The following BLTP1 variants were observed in gnomAD, a reference collection of about 807,000 sequenced individuals.
BLTP1 encodes the protein bridge-like lipid transfer protein family member 1.
the BLTP1 span, chr4:122,355,741 G>A: frequency 1.3e-6 from 2 of 1,513,986 alleles, no homozygotes; most frequent in African/African-American, 2.8e-5. Flanking sequence ...AGCTATATAG[G>A]CTTGTCAATG....
At chr4:122,254,300 T>G in the BLTP1 span, 1 of 1,613,572 alleles carries the variant, frequency 6.2e-7, no homozygotes, top group Non-Finnish European at 8.5e-7. Context: ...TTGGTTTAGT[T>G]TTGCAGCTCC....
the BLTP1 span, chr4:122,174,562 T>A: frequency 5.6e-6 from 9 of 1,605,934 alleles, no homozygotes; most frequent in East Asian, 2.0e-4. Context: ...TGTTTTTTCC[T>A]TCCTATAACA....
the BLTP1 span, chr4:122,183,085 C>T: frequency 4.3e-6 from 4 of 922,802 alleles, no homozygotes; most frequent in South Asian, 5.0e-5. Flanking sequence ...CTGGTAATCC[C>T]AGCACTTTGG....
At chr4:122,254,426 A>T in the BLTP1 span, 1 of 1,355,936 alleles carries the variant, frequency 7.4e-7, no homozygotes, top group Non-Finnish European at 1.0e-6. Context: ...TCATATTTTT[A>T]AAAATTACTT....
At chr4:122,160,642 T>C in the BLTP1 span, among the ~76,000 whole-genome samples, 1 of 152,240 alleles carries the variant, frequency 6.6e-6, no homozygotes, top group African/African-American at 2.4e-5. Flanking sequence ...TTTGTCACTT[T>C]ACAAACAGTT....
chr4:122,291,796 G>A, the BLTP1 span: 213 of 972,330 alleles, frequency 2.2e-4, no homozygotes, highest in Middle Eastern at 5.2e-4. Flanking sequence ...ATATAATAGC[G>A]TCTCTTATGG....
At chr4:122,219,371 T>G in the BLTP1 span, 1 of 1,613,882 alleles carries the variant, frequency 6.2e-7, no homozygotes. Flanking sequence ...GACATGTATA[T>G]GGATTTTGAA....
At chr4:122,158,664 G>A in the BLTP1 span, among the ~76,000 whole-genome samples, 3 of 152,128 alleles carry the variant, frequency 2.0e-5, no homozygotes, top group Non-Finnish European at 2.9e-5. Context: ...TCAGCTACTC[G>A]GAAGGCTGAG....
At chr4:122,188,434 A>G in the BLTP1 span, 2 of 163,594 alleles carry the variant, frequency 1.2e-5, no homozygotes, top group East Asian at 1.9e-4. Flanking sequence ...AGATGTGACT[A>G]AAGAGTAAAT....
the BLTP1 span, chr4:122,307,890 C>T: frequency 1.3e-6 from 2 of 1,564,462 alleles, no homozygotes; most frequent in Non-Finnish European, 1.7e-6. Flanking sequence ...TTTTACTTAA[C>T]ATATAGATTT....
the BLTP1 span, among the ~76,000 whole-genome samples, chr4:122,259,348 A>G: frequency 6.6e-6 from 1 of 152,180 alleles, no homozygotes; most frequent in Non-Finnish European, 1.5e-5. Flanking sequence ...ACAGGCTTTA[A>G]CTGTACGTCA....
the BLTP1 span, chr4:122,334,206 C>G: frequency 2.4e-6 from 2 of 816,924 alleles, no homozygotes; most frequent in Non-Finnish European, 3.8e-6. Context: ...AAGAAACTTG[C>G]CAGGATCACA....
the BLTP1 span, among the ~76,000 whole-genome samples, chr4:122,287,002 T>G: frequency 6.6e-5 from 10 of 152,206 alleles, no homozygotes; most frequent in Non-Finnish European, 1.5e-4. Context: ...TTACACATGC[T>G]TTTAAAAATA....
At chr4:122,252,893 C>T in the BLTP1 span, among the ~76,000 whole-genome samples, 1 of 152,206 alleles carries the variant, frequency 6.6e-6, no homozygotes, top group Non-Finnish European at 1.5e-5. Context: ...CACAGTTCCA[C>T]TGGTGGTAGC....
At chr4:122,171,546 A>G in the BLTP1 span, among the ~76,000 whole-genome samples, 1 of 151,928 alleles carries the variant, frequency 6.6e-6, no homozygotes, top group African/African-American at 2.4e-5. Flanking sequence ...TGCTCAGAGT[A>G]GCTTTATGAA....
chr4:122,360,623 T>C, the BLTP1 span, among the ~76,000 whole-genome samples: 1 of 152,180 alleles, frequency 6.6e-6, no homozygotes, highest in Non-Finnish European at 1.5e-5. Context: ...AGGACTCTTG[T>C]ATAGGCAGAA....
At chr4:122,361,147 A>T in the BLTP1 span, among the ~76,000 whole-genome samples, 2 of 152,178 alleles carry the variant, frequency 1.3e-5, no homozygotes, top group Non-Finnish European at 2.9e-5. Context: ...GTTTGAGGAG[A>T]TCAATGCCTA....
At chr4:122,187,230 TATG>T in the BLTP1 span, 3 of 977,112 alleles carry the variant, frequency 3.1e-6, no homozygotes, top group Non-Finnish European at 2.4e-6. Flanking sequence ...TAAAAGTTGA[TATG>T]ATAAGAGTGC....
the BLTP1 span, among the ~76,000 whole-genome samples, chr4:122,191,261 A>G: frequency 6.6e-6 from 1 of 151,954 alleles, no homozygotes; most frequent in South Asian, 2.1e-4. Context: ...TGCAAGCTGC[A>G]CTAATTGCAT....
Sources: allele counts gnomAD v4.1 joint callset (sites outside exome capture counted in the v4.1 genomes callset), GRCh38; gene constraint gnomAD v4.1.1; transcripts MANE v1.5; gene names NCBI Gene and HGNC (gene_info 2026-07-23, HGNC 2026-07-21).